GRIP1: variants seen among roughly 807,000 people sequenced by gnomAD.
The protein encoded by GRIP1 is glutamate receptor-interacting protein 1.
GRIP1 carries 45 observed loss-of-function variants against 129.9 expected under a neutral mutation model. The observed-to-expected ratio is 0.35, with a 90% CI of 0.27 to 0.44. GRIP1 has a LOEUF of 0.44. Among genes scored for constraint, GRIP1 ranks in the 20% least tolerant of loss-of-function variants. The probability of loss-of-function intolerance (pLI) is 1.00; values close to 1 mark genes in which losing one functional copy is unlikely to be tolerated. For missense variants in GRIP1, 1,196 were observed against 1,396.8 expected, an observed-to-expected ratio of 0.86 and a Z score of 2.29; for synonymous variants, 530 against 520.8, an observed-to-expected ratio of 1.02 and a Z score of -0.24.
chr12:66,963,247 CAAGGCTGCAG>C (rs1465952132), intron 1 of GRIP1, among the ~76,000 whole-genome samples: 1 of 152,042 alleles, frequency 6.6e-6, no homozygotes, highest in East Asian at 1.9e-4. Context: ...CCCAGCAAGT[CAAGGCTGCAG>C]TGAGCCATGA....
At chr12:66,744,764 T>C (rs987911671) in intron 1 of GRIP1, among the ~76,000 whole-genome samples, 1 of 152,174 alleles carries the variant, frequency 6.6e-6, no homozygotes, top group African/African-American at 2.4e-5. Flanking sequence ...TTGACACTAC[T>C]TAAAGGTTAT....
At chr12:66,734,047 C>T (rs766289694) in intron 1 of GRIP1, among the ~76,000 whole-genome samples, 1 of 152,120 alleles carries the variant, frequency 6.6e-6, no homozygotes, top group African/African-American at 2.4e-5. Context: ...GGGGCCCACA[C>T]AGCAAAAGCA....
chr12:66,587,139 G>T (rs755404138), intron 2 of GRIP1, among the ~76,000 whole-genome samples: 21 of 152,092 alleles, frequency 1.4e-4, no homozygotes, highest in Non-Finnish European at 2.6e-4. Context: ...CTCTTTTCTT[G>T]TTTCTTTTCA....
chr12:66,393,293 C>T (rs1197167744), intron 17 of GRIP1, among the ~76,000 whole-genome samples: 1 of 151,356 alleles, frequency 6.6e-6, no homozygotes, highest in Middle Eastern at 3.4e-3. Flanking sequence ...ATTCTCCAGC[C>T]TCAGCCTCCC....
intron 1 of GRIP1, among the ~76,000 whole-genome samples, chr12:66,664,751 A>G (rs2033701123): frequency 6.6e-6 from 1 of 152,200 alleles, no homozygotes; most frequent in South Asian, 2.1e-4. Flanking sequence ...CCAGTTCAGT[A>G]TCTCAATTAT....
At chr12:66,595,646 G>T (rs1452532783) in intron 2 of GRIP1, among the ~76,000 whole-genome samples, 2 of 152,236 alleles carry the variant, frequency 1.3e-5, no homozygotes, top group African/African-American at 4.8e-5. Flanking sequence ...CCAGCATGAA[G>T]AATGATGTTT....
At chr12:66,570,155 G>A (rs10878453) in intron 2 of GRIP1, among the ~76,000 whole-genome samples, 19,346 of 152,046 alleles carry the variant, frequency 0.13, 1,285 homozygotes, top group East Asian at 0.19. Context: ...GTCTTACTCC[G>A]TCACCCAGGC....
intron 7 of GRIP1, among the ~76,000 whole-genome samples, chr12:66,506,993 T>C (rs1485417514): frequency 6.6e-6 from 1 of 152,220 alleles, no homozygotes; most frequent in African/African-American, 2.4e-5. Flanking sequence ...TTCTTTTATA[T>C]AGGGAAACCC....
At chr12:66,881,117 A>C (rs2040471132) in intron 1 of GRIP1, among the ~76,000 whole-genome samples, 1 of 152,018 alleles carries the variant, frequency 6.6e-6, no homozygotes, top group Non-Finnish European at 1.5e-5. Flanking sequence ...CTCCAAATGG[A>C]CTATCTAATG....
chr12:66,401,609 T>TATATATATATATATATACATACACACAC (rs1169241331), intron 16 of GRIP1, among the ~76,000 whole-genome samples: 1 of 110,176 alleles, frequency 9.1e-6, no homozygotes, highest in Admixed American at 9.6e-5. Context: ...TATATATATA[T>TATATATATATATATATACATACACACAC]ACACACACAC....
At chr12:66,392,280 T>C in intron 19 of GRIP1, 28 bp downstream of exon 19, 1 of 1,333,230 alleles carries the variant, frequency 7.5e-7, no homozygotes, top group South Asian at 1.2e-5. Flanking sequence ...CAATGACAAG[T>C]CCTCTGGGGG....
At chr12:66,352,203 T>C (rs898738025) in intron 24 of GRIP1, among the ~76,000 whole-genome samples, 4 of 152,076 alleles carry the variant, frequency 2.6e-5, no homozygotes, top group Non-Finnish European at 4.4e-5. Flanking sequence ...GCATCATCTG[T>C]GGTTGTACTG....
At chr12:66,944,840 T>C (rs1592375888) in intron 1 of GRIP1, among the ~76,000 whole-genome samples, 1 of 152,344 alleles carries the variant, frequency 6.6e-6, no homozygotes, top group East Asian at 1.9e-4. Context: ...TTGCCCAGGC[T>C]AGAGTACAGT....
rs190281777 is a variant in GRIP1 at position 67,009,806 on chromosome 12, C to T, written c.58+59244G>A. Among the ~76,000 whole-genome samples, 73 of 152,142 alleles carry T rather than the reference C, an allele frequency of 4.8e-4. No homozygotes were observed. The East Asian group carries it at 5.8e-3, about 12-fold the overall frequency. On this transcript the variant is annotated intron_variant, in intron 1 of 1. Transcript: ENST00000643019. ...ATGAGTGTGGGAAACCAATAGCTAC[C>T]CTCTTTAAGATAGTATAAGCTGCAT...
chr12:66,561,133 A>C (rs1340675037), intron 2 of GRIP1, among the ~76,000 whole-genome samples: 1 of 152,186 alleles, frequency 6.6e-6, no homozygotes, highest in Non-Finnish European at 1.5e-5. Flanking sequence ...TGAAAATTAA[A>C]ACAATTGAAT....
intron 1 of GRIP1, among the ~76,000 whole-genome samples, chr12:66,841,674 A>G (rs998128843): frequency 2.6e-5 from 4 of 152,170 alleles, no homozygotes; most frequent in African/African-American, 9.7e-5. Context: ...GTTTCATGAA[A>G]TATAAAGGTG....
chr12:66,546,728 T>C (rs574870915), intron 2 of GRIP1, among the ~76,000 whole-genome samples: 1 of 152,236 alleles, frequency 6.6e-6, no homozygotes, highest in Admixed American at 6.5e-5. Context: ...TTTCACACCT[T>C]GTATAAAATT....
At chr12:66,606,238 C>T (rs2064520560) in intron 1 of GRIP1, among the ~76,000 whole-genome samples, 1 of 152,112 alleles carries the variant, frequency 6.6e-6, no homozygotes, top group Non-Finnish European at 1.5e-5. Flanking sequence ...TAAGTCAGAA[C>T]TTATCAGAGT....
chr12:66,697,392 T>A (rs1287908015), intron 1 of GRIP1, among the ~76,000 whole-genome samples: 2 of 152,188 alleles, frequency 1.3e-5, no homozygotes, highest in Non-Finnish European at 1.5e-5. Context: ...CAGGTATTAA[T>A]TTAATTATTA....
Sources: allele counts gnomAD v4.1 joint callset (sites outside exome capture counted in the v4.1 genomes callset), GRCh38; gene constraint gnomAD v4.1.1; transcripts MANE v1.5; gene names NCBI Gene and HGNC (gene_info 2026-07-23, HGNC 2026-07-21).